Variants in SAMD12 observed in about 807,000 individuals in gnomAD.
SAMD12 encodes sterile alpha motif domain-containing protein 12.
SAMD12 carries 9 observed loss-of-function variants against 15.0 expected under a neutral mutation model. The observed-to-expected ratio is 0.60, with a 90% CI of 0.36 to 1.05. SAMD12 has a LOEUF of 1.05. Ranked by LOEUF, SAMD12 falls within the 50% of genes least tolerant of loss-of-function variation. The pLI, the probability that SAMD12 is intolerant of heterozygous loss-of-function variation, is 0.01. For missense variants in SAMD12, 230 were observed against 234.2 expected (o/e 0.98, Z 0.12); for synonymous variants, 86 against 90.1 (o/e 0.96, Z 0.25).
the SAMD12 span, among the ~76,000 whole-genome samples, chr8:118,147,127 T>A: frequency 1.3e-5 from 2 of 151,532 alleles, no homozygotes; most frequent in Non-Finnish European, 2.9e-5. Context: ...TGGGTTCAAG[T>A]GATTCTCATG....
chr8:118,469,257 T>C (rs551001320), intron 2 of SAMD12, among the ~76,000 whole-genome samples: 16 of 151,196 alleles, frequency 1.1e-4, no homozygotes, highest in African/African-American at 3.4e-4. Context: ...GTGGCTACCA[T>C]AGCTCTATGC....
chr8:118,508,817 G>T (rs1187443765), intron 2 of SAMD12, among the ~76,000 whole-genome samples: 1 of 152,106 alleles, frequency 6.6e-6, no homozygotes, highest in Non-Finnish European at 1.5e-5. Flanking sequence ...GGATGAATGC[G>T]TTTTCTCAAC....
At chr8:118,431,108 C>A (rs1225143629) in intron 3 of SAMD12, among the ~76,000 whole-genome samples, 1 of 152,092 alleles carries the variant, frequency 6.6e-6, no homozygotes, top group Non-Finnish European at 1.5e-5. Flanking sequence ...TAATCTAAGT[C>A]CACCTTCAAA....
rs79036509 is a variant in SAMD12, at chr8:118,306,313, C to T, written c.433+73247G>A. On this transcript the variant is annotated intron_variant, in intron 4 of 4. Coordinates refer to the SAMD12 transcript ENST00000409003. ...CTCCTGGTTGTCCTCAATATATAAT[C>T]CATCTAATATGAATATTTAGCTGTG... Among the ~76,000 whole-genome samples, 1,175 of 152,266 alleles carry T rather than the reference C, an allele frequency of 7.7e-3. 8 individuals carry two copies. The highest frequency in any genetic ancestry group is 0.038 in the South Asian group (183 of 4,830).
chr8:118,361,060 C>T (rs1818475728), intron 4 of SAMD12, among the ~76,000 whole-genome samples: 1 of 152,090 alleles, frequency 6.6e-6, no homozygotes, highest in Admixed American at 6.5e-5. Flanking sequence ...AGTGTCACCT[C>T]ACAACTACCC....
chr8:118,184,276 G>A, the SAMD12 span, among the ~76,000 whole-genome samples: 1 of 152,210 alleles, frequency 6.6e-6, no homozygotes, highest in African/African-American at 2.4e-5. Flanking sequence ...AACAAAGGCA[G>A]GGATGTATCT....
chr8:118,614,990 T>C (rs1410939705), intron 1 of SAMD12, among the ~76,000 whole-genome samples: 2 of 152,166 alleles, frequency 1.3e-5, no homozygotes, highest in Non-Finnish European at 2.9e-5. Flanking sequence ...AAGGACCATA[T>C]GCAAGATCCA....
chr8:118,265,920 A>T (rs1338384325), intron 4 of SAMD12, among the ~76,000 whole-genome samples: 1 of 152,154 alleles, frequency 6.6e-6, no homozygotes, highest in Non-Finnish European at 1.5e-5. Context: ...ACAATAAGGT[A>T]CATGAATATC....
intron 4 of SAMD12, among the ~76,000 whole-genome samples, chr8:118,233,250 T>A (rs1469539080): frequency 6.6e-6 from 1 of 152,182 alleles, no homozygotes; most frequent in African/African-American, 2.4e-5. Context: ...TATTGGAAAT[T>A]ATATTTCTAG....
chr8:118,168,716 A>G, the SAMD12 span, among the ~76,000 whole-genome samples: 3 of 151,994 alleles, frequency 2.0e-5, no homozygotes, highest in Admixed American at 6.6e-5. Flanking sequence ...TAAGCTTAGG[A>G]AAAAAAACTT....
At chr8:118,348,721 T>G (rs1817801383) in intron 4 of SAMD12, among the ~76,000 whole-genome samples, 2 of 152,340 alleles carry the variant, frequency 1.3e-5, no homozygotes, top group African/African-American at 4.8e-5. Flanking sequence ...CAGCTCAAGC[T>G]GTTTTGATCC....
chr8:118,551,854 G>A lies in SAMD12; in HGVS notation c.192+28861C>T, dbSNP rs375621684. On this transcript the variant is annotated intron_variant, in intron 2 of 3. Transcript: ENST00000314727. Reference sequence around the variant, plus strand: ...AAATGATAAAGGGGATATCACCACCGATCCCACAGAAATACAAACTACCAT... The same window carrying A: ...AAATGATAAAGGGGATATCACCACCAATCCCACAGAAATACAAACTACCAT... Among the ~76,000 whole-genome samples the A allele has an allele frequency of 1.3e-4, 20 of 150,912 alleles. No individual in the cohort carries two copies. The South Asian group carries it at 1.5e-3, about 11-fold the overall frequency.
intron 3 of SAMD12, among the ~76,000 whole-genome samples, chr8:118,385,625 T>C (rs1189838555): frequency 6.6e-6 from 1 of 152,198 alleles, no homozygotes; most frequent in Non-Finnish European, 1.5e-5. Context: ...TTTGTTTCTC[T>C]GGAGAACACT....
At chr8:118,512,229 A>T (rs75414892) in intron 2 of SAMD12, among the ~76,000 whole-genome samples, 3,578 of 152,260 alleles carry the variant, frequency 0.023, 115 homozygotes, top group African/African-American at 0.076. Context: ...ACATTTTTCT[A>T]TTGAATTTGT....
At chr8:118,606,210 A>G (rs146301395) in intron 1 of SAMD12, among the ~76,000 whole-genome samples, 2 of 152,176 alleles carry the variant, frequency 1.3e-5, no homozygotes, top group African/African-American at 2.4e-5. Flanking sequence ...AACATTCTCG[A>G]TCCCTTTTAA....
chr8:118,269,194 TTCTCTCTC>T (rs762035151), intron 4 of SAMD12, among the ~76,000 whole-genome samples: 4 of 138,490 alleles, frequency 2.9e-5, no homozygotes, highest in African/African-American at 5.8e-5. Context: ...TTTGCTTTTG[TTCTCTCTC>T]TCTCTCTCTC....
intron 4 of SAMD12, among the ~76,000 whole-genome samples, chr8:118,250,393 G>A (rs181962539): frequency 1.3e-5 from 2 of 152,200 alleles, no homozygotes; most frequent in East Asian, 1.9e-4. Context: ...AAGAGTATTT[G>A]GCATGCAGCA....
intron 4 of SAMD12, among the ~76,000 whole-genome samples, chr8:118,369,715 C>T (rs1818982359): frequency 6.7e-6 from 1 of 150,312 alleles, no homozygotes; most frequent in African/African-American, 2.4e-5. Flanking sequence ...AACTCTGTCT[C>T]AAAAAAAATA....
chr8:118,371,862 T>C (rs527326599), intron 4 of SAMD12, among the ~76,000 whole-genome samples: 1 of 151,986 alleles, frequency 6.6e-6, no homozygotes, highest in East Asian at 1.9e-4. Context: ...GGAATCAATA[T>C]TTGGGACGTG....
Sources: allele counts gnomAD v4.1 joint callset (sites outside exome capture counted in the v4.1 genomes callset), GRCh38; gene constraint gnomAD v4.1.1; transcripts MANE v1.5; gene names NCBI Gene and HGNC (gene_info 2026-07-23, HGNC 2026-07-21).